The following DLG2 variants were observed in gnomAD, a reference collection of about 807,000 sequenced individuals.
DLG2 encodes the protein discs large MAGUK scaffold protein 2.
A neutral mutation model predicts 132.5 loss-of-function variants in DLG2; 45 were observed. The observed-to-expected ratio is 0.34, with a 90% CI of 0.27 to 0.44. DLG2 has a LOEUF of 0.44. Among genes scored for constraint, DLG2 ranks in the 20% least tolerant of loss-of-function variants. The probability of loss-of-function intolerance (pLI) is 1.00; values close to 1 mark genes in which losing one functional copy is unlikely to be tolerated. For missense variants in DLG2, 1,045 were observed against 1,196.9 expected (o/e 0.87, Z 1.87); for synonymous variants, 424 against 419.6 (o/e 1.01, Z -0.13).
chr11:84,373,265 C>CAAAAAAAAAAAAAAACAAAAAA (rs59038372), intron 7 of DLG2, among the ~76,000 whole-genome samples: 1 of 98,090 alleles, frequency 1.0e-5, no homozygotes, highest in African/African-American at 4.6e-5. Flanking sequence ...AAAAAAAAAA[C>CAAAAAAAAAAAAAAACAAAAAA]AAAACAAAAA....
At chr11:85,276,306 T>C (rs1225514657) in intron 4 of DLG2, among the ~76,000 whole-genome samples, 1 of 152,084 alleles carries the variant, frequency 6.6e-6, no homozygotes, top group African/African-American at 2.4e-5. Context: ...GAATAAGAAA[T>C]GGGATTACAG....
chr11:83,684,086 T>A (rs1353045272), intron 18 of DLG2, among the ~76,000 whole-genome samples: 2 of 152,070 alleles, frequency 1.3e-5, no homozygotes, highest in Non-Finnish European at 2.9e-5. Flanking sequence ...AACAATGAAC[T>A]TTTATATGTA....
chr11:84,378,297 A>G (rs1467025748), intron 7 of DLG2, among the ~76,000 whole-genome samples: 1 of 152,164 alleles, frequency 6.6e-6, no homozygotes, highest in African/African-American at 2.4e-5. Flanking sequence ...ACATCAAGGA[A>G]AGGTCATATG....
Position 84,280,306 on chromosome 11 carries a change from A to ATT in DLG2, c.520-29017_520-29016dup, listed in dbSNP as rs35811787. On this transcript the variant is annotated intron_variant, in intron 7 of 27. Coordinates refer to ENST00000376104, the MANE Select transcript of DLG2 (RefSeq NM_001142699.3). ...TATTAACAACTTAGGGATAAACCTG[A>ATT]TTTTTTTTTTTTGAGACGGAGTCAC... Among the ~76,000 whole-genome samples the ATT allele has an allele frequency of 4.6e-3, 683 of 149,552 alleles. 7 individuals carry two copies. The highest frequency in any genetic ancestry group is 0.014 in the Middle Eastern group (4 of 280).
At chr11:85,116,504 T>C (rs1416096280) in intron 5 of DLG2, among the ~76,000 whole-genome samples, 1 of 151,996 alleles carries the variant, frequency 6.6e-6, no homozygotes, top group Non-Finnish European at 1.5e-5. Flanking sequence ...TACTTACAAA[T>C]ATGATTTATG....
chr11:84,624,777 A>G (rs1377943232), intron 6 of DLG2, among the ~76,000 whole-genome samples: 2 of 149,376 alleles, frequency 1.3e-5, no homozygotes, highest in African/African-American at 5.0e-5. Flanking sequence ...CCACTCCCTC[A>G]TCTTAAGACT....
chr11:84,839,398 C>T (rs1227691905), intron 6 of DLG2, among the ~76,000 whole-genome samples: 1 of 152,032 alleles, frequency 6.6e-6, no homozygotes, highest in Non-Finnish European at 1.5e-5. Flanking sequence ...GAATCAATAT[C>T]ATGAAAATGG....
At chr11:84,689,038 C>T (rs961464731) in intron 6 of DLG2, among the ~76,000 whole-genome samples, 5 of 152,142 alleles carry the variant, frequency 3.3e-5, no homozygotes, top group African/African-American at 9.7e-5. Context: ...CTACGTAAAA[C>T]GCTAGCACAG....
chr11:84,877,201 C>A (rs1053562630), intron 6 of DLG2, among the ~76,000 whole-genome samples: 18 of 150,742 alleles, frequency 1.2e-4, no homozygotes, highest in Admixed American at 7.3e-4. Flanking sequence ...CCTATTAGGT[C>A]TGCTTGGTCC....
intron 4 of DLG2, among the ~76,000 whole-genome samples, chr11:85,197,930 G>A (rs1447754030): frequency 2.0e-5 from 3 of 152,138 alleles, no homozygotes; most frequent in African/African-American, 4.8e-5. Context: ...ATACTACAAA[G>A]TTGTTACAAG....
intron 11 of DLG2, among the ~76,000 whole-genome samples, chr11:84,036,148 T>C (rs769789265): frequency 8.6e-5 from 13 of 151,890 alleles, no homozygotes; most frequent in Non-Finnish European, 1.3e-4. Flanking sequence ...GGAGAAGAGG[T>C]TGATAGAGAA....
chr11:84,997,122 T>G (rs1182005131), intron 6 of DLG2: 2 of 153,154 alleles, frequency 1.3e-5, no homozygotes, highest in African/African-American at 2.4e-5. Context: ...ACTTCTGATT[T>G]GTAATCTTAG....
intron 4 of DLG2, among the ~76,000 whole-genome samples, chr11:85,264,071 C>G (rs924334046): frequency 1.3e-5 from 2 of 151,702 alleles, no homozygotes; most frequent in Non-Finnish European, 2.9e-5. Flanking sequence ...TATTTGGGAA[C>G]AGGATGTTGT....
intron 16 of DLG2, among the ~76,000 whole-genome samples, chr11:83,866,414 T>G (rs1382519316): frequency 2.0e-5 from 3 of 152,188 alleles, no homozygotes; most frequent in African/African-American, 7.2e-5. Flanking sequence ...CATAACAGAC[T>G]TATGACTGGG....
chr11:84,136,972 G>C (rs76611897), intron 9 of DLG2, among the ~76,000 whole-genome samples: 1,541 of 152,254 alleles, frequency 0.01, 7 homozygotes, highest in Middle Eastern at 0.027. Flanking sequence ...CAGAACTGAA[G>C]GGAGGAGGCA....
At chr11:85,351,321 G>T (rs2083270950) in intron 3 of DLG2, among the ~76,000 whole-genome samples, 1 of 152,160 alleles carries the variant, frequency 6.6e-6, no homozygotes, top group Admixed American at 6.5e-5. Context: ...CTGAGATGAT[G>T]GGGTTTTCTA....
intron 15 of DLG2, among the ~76,000 whole-genome samples, chr11:83,927,612 C>G (rs2079216875): frequency 6.6e-6 from 1 of 152,140 alleles, no homozygotes; most frequent in African/African-American, 2.4e-5. Context: ...AAGAGGCAGG[C>G]AGTGGCTAGG....
intron 5 of DLG2, among the ~76,000 whole-genome samples, chr11:85,146,227 C>CCTCTCTCTCTCTCTCCCTCTCTCT (rs2076839518): frequency 7.7e-6 from 1 of 129,110 alleles, no homozygotes; most frequent in Non-Finnish European, 1.6e-5. Context: ...TCTGTTTCTC[C>CCTCTCTCTCTCTCTCCCTCTCTCT]CTCTCTCTCT....
Position 83,475,516 on chromosome 11 carries a change from A to T in DLG2, c.2294-2739T>A, listed in dbSNP as rs184574372. Among the ~76,000 whole-genome samples the T allele has an allele frequency of 5.1e-5, 7 of 138,096 alleles. No homozygotes were observed. In the East Asian group the frequency reaches 1.8e-3, roughly 36 times the overall value. 90.6% of individuals were successfully genotyped at this position (138,096 alleles called of 152,430 possible). On this transcript the variant is annotated intron_variant, in intron 22 of 27. Coordinates refer to ENST00000376104, the MANE Select transcript of DLG2 (RefSeq NM_001142699.3). The stretch of plus-strand genomic sequence containing the variant: ...ACTGCACCTTTTTCAACTCTTGTGG[A>T]GTATATTGCACTGTCTTGAAACAGT...
Sources: allele counts gnomAD v4.1 joint callset (sites outside exome capture counted in the v4.1 genomes callset), GRCh38; gene constraint gnomAD v4.1.1; transcripts MANE v1.5; gene names NCBI Gene and HGNC (gene_info 2026-07-23, HGNC 2026-07-21).